The following NUDC variants were observed in gnomAD, a reference collection of about 807,000 sequenced individuals.
The protein encoded by NUDC is nuclear distribution C, dynein complex regulator.
Under a neutral mutation model 45.0 loss-of-function variants are expected in NUDC, and 14 were observed. The observed-to-expected ratio is 0.31, with a 90% CI of 0.21 to 0.49. NUDC has a LOEUF of 0.49. NUDC is among the 20% of genes least tolerant of loss of function. The pLI is 0.99. For missense variants in NUDC, 323 were observed against 426.2 expected (o/e 0.76, Z 2.13); for synonymous variants, 153 against 156.7 (o/e 0.98, Z 0.17).
chr1:26,904,035 T>TTAAA (rs1351345779), intron 2 of NUDC, among the ~76,000 whole-genome samples: 2 of 84,724 alleles, frequency 2.4e-5, no homozygotes, highest in African/African-American at 8.6e-5. Context: ...AATAAATAAA[T>TTAAA]TAAATAAATA....
intron 2 of NUDC, among the ~76,000 whole-genome samples, chr1:26,929,210 G>A (rs941557121): frequency 1.3e-5 from 2 of 152,094 alleles, no homozygotes; most frequent in African/African-American, 2.4e-5. Context: ...GCATCCATGA[G>A]CTTAACCAAC....
intron 2 of NUDC, among the ~76,000 whole-genome samples, chr1:26,939,571 C>T (rs1045878243): frequency 1.3e-5 from 2 of 152,046 alleles, no homozygotes; most frequent in Non-Finnish European, 2.9e-5. Context: ...GAATGCATTC[C>T]AGCCTGGGTG....
chr1:26,913,641 C>T (rs2082042482), intron 3 of NUDC: 1 of 1,613,776 alleles, frequency 6.2e-7, no homozygotes. Flanking sequence ...CATCTTGGGC[C>T]AACCCAAGCA....
chr1:26,900,533 C>T, intron 1 of NUDC: 1 of 1,045,216 alleles, frequency 9.6e-7, no homozygotes. Context: ...TGTGAAAATT[C>T]TAACTAGTCC....
intron 2 of NUDC, among the ~76,000 whole-genome samples, chr1:26,926,628 T>A (rs2124102356): frequency 6.6e-6 from 1 of 152,166 alleles, no homozygotes; most frequent in Non-Finnish European, 1.5e-5. Context: ...ACACGGAGTT[T>A]CATGCTTGTT....
At chr1:26,913,823 G>C in intron 3 of NUDC, 1 of 1,512,668 alleles carries the variant, frequency 6.6e-7, no homozygotes, top group Non-Finnish European at 8.9e-7. Flanking sequence ...TGCCTACATA[G>C]GCAGCGGCTA....
At chr1:26,908,917 G>A (rs991163672) in intron 2 of NUDC, among the ~76,000 whole-genome samples, 22 of 151,656 alleles carry the variant, frequency 1.5e-4, no homozygotes, top group African/African-American at 5.1e-4. Context: ...AGTAGAGACG[G>A]TGTTTCACCA....
intron 3 of NUDC, among the ~76,000 whole-genome samples, chr1:26,912,248 T>G (rs1231285382): frequency 6.6e-6 from 1 of 152,186 alleles, no homozygotes; most frequent in Non-Finnish European, 1.5e-5. Context: ...GGTAATTTAT[T>G]TATCAATTTT....
chr1:26,917,625 C>T (rs1405754666), upstream of NUDC, among the ~76,000 whole-genome samples: 2 of 151,958 alleles, frequency 1.3e-5, no homozygotes, highest in East Asian at 1.9e-4. Flanking sequence ...TGGTGGCTCA[C>T]GCCTGTAATC....
chr1:26,934,037 C>T (rs2082206352), intron 2 of NUDC, among the ~76,000 whole-genome samples: 1 of 152,116 alleles, frequency 6.6e-6, no homozygotes, highest in African/African-American at 2.4e-5. Context: ...CCTGTATTCC[C>T]AGCCACTTAG....
At chr1:26,903,442 CAT>C (rs1436039732) in intron 2 of NUDC, among the ~76,000 whole-genome samples, 3 of 152,096 alleles carry the variant, frequency 2.0e-5, no homozygotes, top group South Asian at 2.1e-4. Context: ...ATACTTTACA[CAT>C]ATTTATTAAT....
intron 2 of NUDC, among the ~76,000 whole-genome samples, chr1:26,932,100 C>G (rs1301944547): frequency 3.3e-5 from 5 of 151,586 alleles, no homozygotes; most frequent in African/African-American, 4.8e-5. Context: ...TTGACCTCCC[C>G]AAGGCTCAGG....
chr1:26,946,068 G>C, intron 8 of NUDC, 62 bp from the exon 9 acceptor site: 2 of 1,516,216 alleles, frequency 1.3e-6, no homozygotes, highest in Non-Finnish European at 1.8e-6. Flanking sequence ...CGGGGGTGCT[G>C]GGAGAAGGGA....
exon 1 of NUDC, chr1:26,900,400 G>A: frequency 1.2e-6 from 2 of 1,612,772 alleles, no homozygotes; most frequent in East Asian, 2.2e-5. Flanking sequence ...CTCACTACCA[G>A]GTAAACTGTC....
chr1:26,945,675 G>C lies in NUDC; in HGVS notation c.933G>C (p.Glu311Asp). Residue 311 changes from glutamate (E) to aspartate (D), a missense_variant, in exon 8 of 9, where the codon GAG becomes GAC. Glu to Asp is a conservative substitution (Grantham distance 45). Coordinates refer to ENST00000321265, the MANE Select transcript of NUDC (RefSeq NM_006600.4). ...CTTCAGACGAACAGAAGAAACAGGA[G>C]ATTCTGAAGAAGTGAGCAATTCAGA... is the stretch of plus-strand genomic sequence containing the variant. ...LPTSDEQKKQEILKKFMDQHP... is the reference protein window; with the variant it reads ...LPTSDEQKKQDILKKFMDQHP... The C allele has an allele frequency of 6.2e-7, 1 of 1,613,402 alleles. No individual in the cohort carries two copies. Among genetic ancestry groups the C allele is most frequent in the South Asian group, 1.1e-5 (1 of 91,058 alleles).
At chr1:26,904,378 C>G (rs907958107) in intron 2 of NUDC, among the ~76,000 whole-genome samples, 1 of 151,906 alleles carries the variant, frequency 6.6e-6, no homozygotes, top group Non-Finnish European at 1.5e-5. Flanking sequence ...TCATGTTGAC[C>G]AGGCTGATCT....
At chr1:26,900,563 A>G (rs1194882262) in intron 1 of NUDC, 6 of 788,698 alleles carry the variant, frequency 7.6e-6, no homozygotes, top group Non-Finnish European at 9.9e-6. Context: ...GGGGTTGTGG[A>G]ACCTGGAGCT....
chr1:26,932,939 A>G (rs369325061), intron 2 of NUDC, among the ~76,000 whole-genome samples: 1 of 152,118 alleles, frequency 6.6e-6, no homozygotes, highest in East Asian at 1.9e-4. Context: ...AGGCTGAATA[A>G]TATTCCATTA....
chr1:26,936,250 C>T (rs1440680397), intron 2 of NUDC, among the ~76,000 whole-genome samples: 2 of 120,030 alleles, frequency 1.7e-5, no homozygotes, highest in Non-Finnish European at 3.3e-5. Flanking sequence ...AGTACGGTGT[C>T]CTGATCTCGG....
Sources: allele counts gnomAD v4.1 joint callset (sites outside exome capture counted in the v4.1 genomes callset), GRCh38; gene constraint gnomAD v4.1.1; transcripts MANE v1.5; gene names NCBI Gene and HGNC (gene_info 2026-07-23, HGNC 2026-07-21).